The following TARBP1 variants were observed in gnomAD, a reference collection of about 807,000 sequenced individuals.
TARBP1 encodes the protein tRNA (guanosine(18)-2'-O)-methyltransferase TARBP1.
Under a neutral mutation model 178.6 loss-of-function variants are expected in TARBP1, and 144 were observed. That is an observed-to-expected ratio of 0.81 (90% CI 0.70 to 0.93). The LOEUF (loss-of-function observed/expected upper bound fraction) is 0.93, where lower values mean the gene tolerates loss of function less well. Among genes scored for constraint, TARBP1 ranks in the 40% least tolerant of loss-of-function variants. The pLI, the probability that TARBP1 is intolerant of heterozygous loss-of-function variation, is 0.00. For missense variants in TARBP1, 2,067 were observed against 2,011.7 expected, an observed-to-expected ratio of 1.03 and a Z score of -0.53; for synonymous variants, 787 against 781.0, an observed-to-expected ratio of 1.01 and a Z score of -0.13.
chr1:234,411,301 C>T (rs1410849689), intron 22 of TARBP1, among the ~76,000 whole-genome samples: 1 of 152,178 alleles, frequency 6.6e-6, no homozygotes, highest in Admixed American at 6.5e-5. Context: ...GGATACACAT[C>T]AGTTATGTGC....
In TARBP1 at chr1:234,410,471, T is replaced by C. The variant is rs1320015960; in HGVS notation, c.3766A>G (p.Ile1256Val). The C allele has an allele frequency of 1.3e-6, 2 of 1,510,254 alleles. No homozygotes were observed. Among genetic ancestry groups the C allele is most frequent in the Non-Finnish European group, 9.1e-7 (1 of 1,102,720 alleles). The allele number at this position is 1,510,254 out of a possible 1,614,324, so 93.6% of individuals were successfully genotyped here. A position where few individuals can be genotyped will look rare whatever the true frequency, so the allele number is the denominator to read the frequency against. Residue 1256 changes from isoleucine to valine, a missense_variant, in exon 23 of 30, where the codon ATT becomes GTT. By Grantham distance (29) the Ile-to-Val change is conservative (BLOSUM62 3). Coordinates refer to ENST00000040877, the MANE Select transcript of TARBP1 (RefSeq NM_005646.4). ...TTTTCTGGAATATTTTGAGTAATAATGTCTAAATGTGATAAAACTGCTAAA... is the reference window on the plus strand; with the variant it reads ...TTTTCTGGAATATTTTGAGTAATAACGTCTAAATGTGATAAAACTGCTAAA... ...TFLAVLSHLD[I>V]ITQNIPEKKL...
intron 22 of TARBP1, among the ~76,000 whole-genome samples, chr1:234,412,200 G>A (rs1268342781): frequency 6.6e-6 from 1 of 152,158 alleles, no homozygotes; most frequent in East Asian, 1.9e-4. Context: ...GAGGCAGGTG[G>A]ATCACAATGT....
At chr1:234,454,663 TA>T (rs1667110664) in intron 9 of TARBP1, among the ~76,000 whole-genome samples, 1 of 152,170 alleles carries the variant, frequency 6.6e-6, no homozygotes, top group African/African-American at 2.4e-5. Context: ...TTACAAATTA[TA>T]AGAGAATGAT....
intron 14 of TARBP1, among the ~76,000 whole-genome samples, chr1:234,432,960 T>C (rs760290466): frequency 2.0e-5 from 3 of 152,164 alleles, no homozygotes; most frequent in Non-Finnish European, 4.4e-5. Flanking sequence ...ATATGTTTAA[T>C]ATTATATTAA....
At chr1:234,437,952 T>C (rs752216772) in intron 12 of TARBP1, among the ~76,000 whole-genome samples, 1 of 152,220 alleles carries the variant, frequency 6.6e-6, no homozygotes, top group Admixed American at 6.5e-5. Flanking sequence ...ACGGATCTGA[T>C]GCTAATCAGC....
At chr1:234,438,073 G>T (rs1435994953) in intron 12 of TARBP1, among the ~76,000 whole-genome samples, 3 of 152,172 alleles carry the variant, frequency 2.0e-5, no homozygotes, top group Non-Finnish European at 4.4e-5. Context: ...GGCAAAGGAG[G>T]TGAAGACAAA....
At chr1:234,408,534 T>C (rs1196428592) in intron 23 of TARBP1, among the ~76,000 whole-genome samples, 4 of 152,330 alleles carry the variant, frequency 2.6e-5, no homozygotes. Context: ...AGCTACAAGA[T>C]TCTGACCCTC....
intron 9 of TARBP1, among the ~76,000 whole-genome samples, chr1:234,455,964 A>G (rs1037412811): frequency 2.1e-4 from 32 of 152,344 alleles, no homozygotes; most frequent in African/African-American, 7.0e-4. Flanking sequence ...TGATCAGAGT[A>G]ATGCAAATAA....
At chr1:234,411,510 A>G (rs114920390) in intron 22 of TARBP1, among the ~76,000 whole-genome samples, 5,233 of 152,322 alleles carry the variant, frequency 0.034, 137 homozygotes, top group South Asian at 0.081. Flanking sequence ...TAGAGAACAG[A>G]TAAGTGAACA....
chr1:234,433,324 T>C (rs965249147), intron 14 of TARBP1, 86 bp downstream of exon 14: 1 of 1,331,094 alleles, frequency 7.5e-7, no homozygotes, highest in Non-Finnish European at 1.1e-6. Flanking sequence ...CTTTGTATGG[T>C]ATCAAAATAG....
chr1:234,402,057 C>T (rs1351372670), intron 24 of TARBP1, among the ~76,000 whole-genome samples: 1 of 152,206 alleles, frequency 6.6e-6, no homozygotes, highest in African/African-American at 2.4e-5. Flanking sequence ...CTATTCTAGC[C>T]TTTCCTTCAG....
intron 22 of TARBP1, among the ~76,000 whole-genome samples, chr1:234,415,001 T>C (rs529561951): frequency 6.7e-6 from 1 of 149,114 alleles, no homozygotes; most frequent in Non-Finnish European, 1.5e-5. Context: ...TTAATAAAAT[T>C]AGTAAATTAA....
Position 234,393,362 on chromosome 1 carries a change from C to G in TARBP1, c.4560G>C (p.Glu1520Asp). ...VSAEQWLPLV[E>D]VKPPQLIDYL... ...TAATAATAAATTACTTTCCACCCACCTCCACTAGAGGAAGCCACTGTTCTG... is the reference window on the plus strand; with the variant it reads ...TAATAATAAATTACTTTCCACCCACGTCCACTAGAGGAAGCCACTGTTCTG... The change falls in exon 28 of 30, where the codon GAG becomes GAC. Residue 1520 changes from glutamate (E) to aspartate (D), a missense_variant and splice_region_variant. Transcript: ENST00000040877. The G allele has an allele frequency of 6.6e-7, 1 of 1,522,442 alleles. No homozygotes were observed. The highest frequency in any genetic ancestry group is 8.9e-7 in the Non-Finnish European group (1 of 1,128,604). The allele number at this position is 1,522,442 out of a possible 1,614,324, so 94.3% of individuals were successfully genotyped here.
chr1:234,465,430 G>C (rs918245350), intron 5 of TARBP1, among the ~76,000 whole-genome samples: 7 of 152,054 alleles, frequency 4.6e-5, no homozygotes, highest in African/African-American at 1.7e-4. Flanking sequence ...CCCAAGAATA[G>C]AGCAGCTCAA....
At chr1:234,450,640 C>A (rs1355350220) in intron 9 of TARBP1, 74 bp from the exon 10 acceptor site, 1 of 1,496,064 alleles carries the variant, frequency 6.7e-7, no homozygotes, top group Non-Finnish European at 9.0e-7. Context: ...CCTTAAGCCA[C>A]GTTTCTTTCT....
intron 10 of TARBP1, 135 bp from the exon 11 acceptor site, chr1:234,448,714 C>T (rs561577529): frequency 2.9e-6 from 2 of 682,254 alleles, no homozygotes; most frequent in Admixed American, 2.6e-5. Context: ...TGAACTACAG[C>T]AGAACACCCT....
At chr1:234,461,822 T>C (rs1667887925) in intron 6 of TARBP1, among the ~76,000 whole-genome samples, 1 of 152,244 alleles carries the variant, frequency 6.6e-6, no homozygotes, top group Non-Finnish European at 1.5e-5. Context: ...CTGTCCTCTC[T>C]GCTAATCTGT....
Position 234,465,684 on chromosome 1 carries a change from C to T in TARBP1, c.1273G>A (p.Ala425Thr), listed in dbSNP as rs10910439. The change falls in exon 5 of 30, where the codon GCG becomes ACG. Residue 425 changes from alanine to threonine, a missense_variant. Coordinates refer to ENST00000040877, the MANE Select transcript of TARBP1 (RefSeq NM_005646.4). ...CTATACAGAGAGCTCTCTGAAAGCGCATCCATTAATGGTCCAATAATAAAC... is the reference window on the plus strand; with the variant it reads ...CTATACAGAGAGCTCTCTGAAAGCGTATCCATTAATGGTCCAATAATAAAC... ...SEFIIGPLMD[A>T]LSESSLYSRS... The T allele has an allele frequency of 2.6e-3, 4,019 of 1,570,680 alleles. 87 individuals are homozygous for T. In the African/African-American group the frequency reaches 0.048, roughly 19 times the overall value.
chr1:234,423,916 A>C (rs777916631), intron 20 of TARBP1, among the ~76,000 whole-genome samples: 1 of 151,890 alleles, frequency 6.6e-6, no homozygotes, highest in Admixed American at 6.6e-5. Context: ...ATAGCTAAAT[A>C]TATATTATAA....
Sources: gnomAD v4.1 joint callset for allele counts (sites outside exome capture counted in the v4.1 genomes callset) on GRCh38, gnomAD v4.1.1 for gene constraint, MANE v1.5 for transcripts, NCBI Gene and HGNC (gene_info 2026-07-23, HGNC 2026-07-21) for gene names.